Variants in AGBL4 observed in about 807,000 individuals in gnomAD.
AGBL4 encodes the protein cytosolic carboxypeptidase 6.
Under a neutral mutation model 66.4 loss-of-function variants are expected in AGBL4, and 58 were observed. That is an observed-to-expected ratio of 0.87 (90% confidence interval 0.71 to 1.09). AGBL4 has a LOEUF of 1.09. Among genes scored for constraint, AGBL4 ranks in the 50% least tolerant of loss-of-function variants. The pLI is 0.00. For missense variants in AGBL4, 579 were observed against 631.0 expected, an observed-to-expected ratio of 0.92 and a Z score of 0.88; for synonymous variants, 234 against 222.9, an observed-to-expected ratio of 1.05 and a Z score of -0.44.
chr1:48,547,901 A>G (rs1644190146), intron 11 of AGBL4, among the ~76,000 whole-genome samples: 1 of 151,974 alleles, frequency 6.6e-6, no homozygotes, highest in African/African-American at 2.4e-5. Context: ...ACTGGGCCTA[A>G]CTTCTCTGTG....
intron 4 of AGBL4, among the ~76,000 whole-genome samples, chr1:49,111,922 T>C (rs777596510): frequency 1.8e-4 from 27 of 152,226 alleles, no homozygotes; most frequent in Admixed American, 2.0e-4. Context: ...ATTGATCTAA[T>C]TTATTTCTAT....
At chr1:49,556,888 G>A (rs549132974) in intron 3 of AGBL4, among the ~76,000 whole-genome samples, 28 of 152,180 alleles carry the variant, frequency 1.8e-4, no homozygotes, top group Admixed American at 3.9e-4. Flanking sequence ...CAAGCGCGGC[G>A]CGGGTGGGCC....
At chr1:49,706,758 A>C (rs1482067276) in intron 2 of AGBL4, among the ~76,000 whole-genome samples, 1 of 151,958 alleles carries the variant, frequency 6.6e-6, no homozygotes, top group Admixed American at 6.6e-5. Context: ...CTTTGTTCTC[A>C]TTGGTTTCAA....
chr1:48,865,296 T>C (rs144138433), intron 6 of AGBL4, among the ~76,000 whole-genome samples: 62 of 152,292 alleles, frequency 4.1e-4, no homozygotes, highest in Non-Finnish European at 8.5e-4. Flanking sequence ...CCTTTCTAAG[T>C]CATGGCACAC....
intron 9 of AGBL4, among the ~76,000 whole-genome samples, chr1:48,627,985 A>G (rs1645533070): frequency 6.6e-6 from 1 of 152,086 alleles, no homozygotes; most frequent in African/African-American, 2.4e-5. Context: ...CTTCCCACGT[A>G]GTCTCACCTC....
At chr1:49,541,300 G>A (rs1042905558) in intron 3 of AGBL4, among the ~76,000 whole-genome samples, 4 of 152,176 alleles carry the variant, frequency 2.6e-5, no homozygotes, top group Non-Finnish European at 5.9e-5. Flanking sequence ...CGAGGTCAGA[G>A]CCGCCTCCCT....
At chr1:49,894,526 G>C (rs1365954185) in intron 1 of AGBL4, among the ~76,000 whole-genome samples, 1 of 152,026 alleles carries the variant, frequency 6.6e-6, no homozygotes, top group Non-Finnish European at 1.5e-5. Context: ...TAAAGAGAAG[G>C]AATTCAGAAT....
intron 2 of AGBL4, among the ~76,000 whole-genome samples, chr1:49,815,361 T>C (rs1038395479): frequency 1.3e-5 from 2 of 152,188 alleles, no homozygotes; most frequent in African/African-American, 2.4e-5. Flanking sequence ...ATTCTTTTTA[T>C]GGGTGAATAG....
chr1:48,915,608 T>C (rs1653519933), intron 5 of AGBL4, among the ~76,000 whole-genome samples: 1 of 152,170 alleles, frequency 6.6e-6, no homozygotes, highest in Non-Finnish European at 1.5e-5. Flanking sequence ...GTGTGTTCCC[T>C]TGGTCAGCGG....
intron 3 of AGBL4, among the ~76,000 whole-genome samples, chr1:49,521,140 C>CA (rs1390192213): frequency 1.3e-5 from 2 of 151,984 alleles, no homozygotes; most frequent in Non-Finnish European, 2.9e-5. Context: ...TTATAACGTA[C>CA]ATTTATACAG....
chr1:49,954,840 TA>T (rs372829579), intron 1 of AGBL4, among the ~76,000 whole-genome samples: 1 of 151,924 alleles, frequency 6.6e-6, no homozygotes, highest in African/African-American at 2.4e-5. Flanking sequence ...GAAAAAAATA[TA>T]GAAGGATTCT....
chr1:48,973,585 C>T (rs908165228), intron 5 of AGBL4, among the ~76,000 whole-genome samples: 2 of 152,100 alleles, frequency 1.3e-5, no homozygotes, highest in Non-Finnish European at 2.9e-5. Flanking sequence ...CCCAATTCAT[C>T]CCTTGACCAC....
chr1:48,872,895 C>T (rs1648825116), intron 5 of AGBL4, among the ~76,000 whole-genome samples: 1 of 152,156 alleles, frequency 6.6e-6, no homozygotes. Flanking sequence ...TCACTCTAAA[C>T]GGGGGAGCAA....
Position 49,964,126 on chromosome 1 carries a change from G to A in AGBL4, c.34+59637C>T, listed in dbSNP as rs1389070751. Among the ~76,000 whole-genome samples, 14 of 152,088 alleles carry A rather than the reference G, an allele frequency of 9.2e-5. No individual in the cohort carries two copies. The East Asian group carries it at 9.7e-4, about 10-fold the overall frequency. On this transcript the variant is annotated intron_variant, in intron 1 of 13. Coordinates refer to ENST00000371839, the MANE Select transcript of AGBL4 (RefSeq NM_032785.4). ...GACAGAACCAAGTAGGATCTTGTGC[G>A]GATTCAGGATTCTTCCTTCCAGCCT...
rs566307726 is a variant in AGBL4, at chr1:49,747,775, C to G, written c.158-50338G>C. Among the ~76,000 whole-genome samples, 10 of 152,250 alleles carry G rather than the reference C, an allele frequency of 6.6e-5. No individual in the cohort carries two copies. In the South Asian group the frequency reaches 8.3e-4, roughly 13 times the overall value. ...GACTGATCTATCGACATATCTTTCACAGTTCCTAGAAGGCAGGCAAATGTT... is the reference window on the plus strand; with the variant it reads ...GACTGATCTATCGACATATCTTTCAGAGTTCCTAGAAGGCAGGCAAATGTT... On this transcript the variant is annotated intron_variant, in intron 2 of 13. Transcript: ENST00000371839.
intron 3 of AGBL4, among the ~76,000 whole-genome samples, chr1:49,260,883 G>A (rs994436349): frequency 6.6e-6 from 1 of 150,386 alleles, no homozygotes; most frequent in African/African-American, 2.4e-5. Context: ...CAATATCCTT[G>A]ATGAACATTG....
intron 4 of AGBL4, among the ~76,000 whole-genome samples, chr1:49,050,878 T>C (rs971429161): frequency 6.6e-5 from 10 of 152,200 alleles, no homozygotes; most frequent in Admixed American, 6.6e-5. Flanking sequence ...GTTAAATGAC[T>C]AAGTTGACTT....
At chr1:49,168,844 C>T (rs895273025) in intron 4 of AGBL4, among the ~76,000 whole-genome samples, 4 of 152,178 alleles carry the variant, frequency 2.6e-5, no homozygotes, top group African/African-American at 4.8e-5. Flanking sequence ...TCCTTAGTGG[C>T]TCATTCTGTA....
At chr1:48,927,731 G>C (rs962218805) in intron 5 of AGBL4, among the ~76,000 whole-genome samples, 1 of 152,160 alleles carries the variant, frequency 6.6e-6, no homozygotes, top group African/African-American at 2.4e-5. Context: ...TTCCTCAAAA[G>C]TGACATAGAA....
Sources: gnomAD v4.1 joint callset for allele counts (sites outside exome capture counted in the v4.1 genomes callset) on GRCh38, gnomAD v4.1.1 for gene constraint, MANE v1.5 for transcripts, NCBI Gene and HGNC (gene_info 2026-07-23, HGNC 2026-07-21) for gene names.